PPP1R9A: variants seen among roughly 807,000 people sequenced by gnomAD.
PPP1R9A encodes the protein neurabin-1.
In PPP1R9A, 59 loss-of-function variants were observed where a neutral mutation model predicts 141.9. The observed-to-expected ratio is 0.42, with a 90% CI of 0.34 to 0.52. PPP1R9A has a LOEUF of 0.52. Among genes scored for constraint, PPP1R9A ranks in the 20% least tolerant of loss-of-function variants. PPP1R9A has a pLI of 0.10. For synonymous variants in PPP1R9A, 500 were observed against 569.7 expected, an observed-to-expected ratio of 0.88 and a Z score of 1.74; for missense variants, 1,444 against 1,611.9, an observed-to-expected ratio of 0.90 and a Z score of 1.78.
At chr7:95,107,135 C>T (rs1229454608) in intron 2 of PPP1R9A, among the ~76,000 whole-genome samples, 2 of 151,980 alleles carry the variant, frequency 1.3e-5, no homozygotes, top group Admixed American at 1.3e-4. Context: ...TGCATAGTAT[C>T]TCCTTGTTTT....
intron 12 of PPP1R9A, among the ~76,000 whole-genome samples, chr7:95,264,270 T>C (rs1800908136): frequency 6.6e-6 from 1 of 152,214 alleles, no homozygotes; most frequent in Admixed American, 6.5e-5. Flanking sequence ...CCATTGGTAA[T>C]AGCACAGGCG....
chr7:95,208,603 A>T (rs1286399880), intron 7 of PPP1R9A, among the ~76,000 whole-genome samples: 5 of 151,934 alleles, frequency 3.3e-5, no homozygotes, highest in Non-Finnish European at 5.9e-5. Context: ...GGGTGCCTGT[A>T]GTCCCAGCTA....
At chr7:95,057,468 G>C (rs1454791673) in intron 2 of PPP1R9A, among the ~76,000 whole-genome samples, 1 of 152,086 alleles carries the variant, frequency 6.6e-6, no homozygotes, top group Non-Finnish European at 1.5e-5. Flanking sequence ...ATGTGAAATA[G>C]TCTACATCTC....
At chr7:95,227,486 T>A (rs1385247812) in intron 8 of PPP1R9A, among the ~76,000 whole-genome samples, 2 of 152,222 alleles carry the variant, frequency 1.3e-5, no homozygotes, top group Non-Finnish European at 2.9e-5. Flanking sequence ...TGTAGAGTGA[T>A]CTAGACCAGG....
chr7:95,179,500 C>A (rs1833398371), intron 5 of PPP1R9A, among the ~76,000 whole-genome samples: 1 of 152,060 alleles, frequency 6.6e-6, no homozygotes, highest in Non-Finnish European at 1.5e-5. Flanking sequence ...TCCCCTTCAA[C>A]ATAGTACTGG....
At chr7:95,068,411 G>A (rs1430395926) in intron 2 of PPP1R9A, among the ~76,000 whole-genome samples, 5 of 144,356 alleles carry the variant, frequency 3.5e-5, no homozygotes, top group East Asian at 2.2e-4. Context: ...TGGAGATTGC[G>A]GTGAGCCGAG....
chr7:95,160,030 T>C (rs771459516), intron 4 of PPP1R9A, among the ~76,000 whole-genome samples: 3 of 151,644 alleles, frequency 2.0e-5, no homozygotes, highest in Non-Finnish European at 4.4e-5. Context: ...AAGTTTATTA[T>C]CTGTTTGACT....
chr7:94,999,630 A>G (rs1802608639), intron 2 of PPP1R9A, among the ~76,000 whole-genome samples: 1 of 152,162 alleles, frequency 6.6e-6, no homozygotes, highest in Admixed American at 6.5e-5. Flanking sequence ...CTCAATGAAT[A>G]TTCATCCAAT....
chr7:95,273,295 T>C (rs796652539), intron 14 of PPP1R9A, among the ~76,000 whole-genome samples: 5 of 152,292 alleles, frequency 3.3e-5, no homozygotes, highest in African/African-American at 1.2e-4. Flanking sequence ...GATATAAATG[T>C]TTTGTAGCTG....
At chr7:94,998,011 A>T (rs78514480) in intron 2 of PPP1R9A, among the ~76,000 whole-genome samples, 2,012 of 152,298 alleles carry the variant, frequency 0.013, 59 homozygotes, top group African/African-American at 0.045. Flanking sequence ...CTAGTAGCTT[A>T]CAGTAAGAAG....
chr7:95,115,227 A>G (rs1459698593), intron 3 of PPP1R9A, among the ~76,000 whole-genome samples: 1 of 152,204 alleles, frequency 6.6e-6, no homozygotes, highest in African/African-American at 2.4e-5. Flanking sequence ...AAAAATATAT[A>G]GTGTTACTAT....
chr7:95,141,340 C>T (rs1244247098), intron 4 of PPP1R9A, among the ~76,000 whole-genome samples: 1 of 151,932 alleles, frequency 6.6e-6, no homozygotes, highest in Non-Finnish European at 1.5e-5. Flanking sequence ...TTTTTTACAC[C>T]TTTATTGATA....
At chr7:95,235,825 A>G (rs1743833707) in intron 8 of PPP1R9A, among the ~76,000 whole-genome samples, 2 of 152,214 alleles carry the variant, frequency 1.3e-5, no homozygotes, top group Admixed American at 1.3e-4. Flanking sequence ...TAAAGAGGAA[A>G]GAAATAATGG....
At chr7:95,268,473 AT>A in intron 12 of PPP1R9A, 76 bp from the exon 13 acceptor site, 1 of 1,526,116 alleles carries the variant, frequency 6.6e-7, no homozygotes, top group Non-Finnish European at 8.9e-7. Flanking sequence ...TTACCTTGAG[AT>A]TTTATCAGTG....
At chr7:95,224,627 G>T (rs1018774783) in intron 7 of PPP1R9A, among the ~76,000 whole-genome samples, 3 of 152,084 alleles carry the variant, frequency 2.0e-5, no homozygotes, top group Admixed American at 2.0e-4. Context: ...AAATCTGAAG[G>T]CAATTTAATA....
intron 4 of PPP1R9A, among the ~76,000 whole-genome samples, chr7:95,121,799 C>T (rs1332153078): frequency 6.6e-6 from 1 of 152,094 alleles, no homozygotes; most frequent in East Asian, 1.9e-4. Context: ...TTATAACAAA[C>T]CCACTCTCAA....
intron 4 of PPP1R9A, among the ~76,000 whole-genome samples, chr7:95,151,417 A>G (rs1399254516): frequency 6.6e-6 from 1 of 152,250 alleles, no homozygotes; most frequent in Non-Finnish European, 1.5e-5. Flanking sequence ...TTGCAAATGC[A>G]AAACTATGGA....
intron 7 of PPP1R9A, among the ~76,000 whole-genome samples, chr7:95,206,601 C>G (rs898225206): frequency 6.6e-6 from 1 of 152,136 alleles, no homozygotes. Flanking sequence ...TGTAGTCACT[C>G]TCAGCCTGAG....
intron 2 of PPP1R9A, among the ~76,000 whole-genome samples, chr7:95,030,527 CA>C (rs893305639): frequency 9.2e-5 from 14 of 151,912 alleles, no homozygotes; most frequent in Non-Finnish European, 1.8e-4. Context: ...AGATTGAGAT[CA>C]GGGAAAGAGA....
Sources: allele counts gnomAD v4.1 joint callset (sites outside exome capture counted in the v4.1 genomes callset), GRCh38; gene constraint gnomAD v4.1.1; transcripts MANE v1.5; gene names NCBI Gene and HGNC (gene_info 2026-07-23, HGNC 2026-07-21).